The following DARS1 variants were observed in gnomAD, a reference collection of about 807,000 sequenced individuals.
DARS1 encodes the protein aspartate--tRNA ligase, cytoplasmic.
In DARS1, 51 loss-of-function variants were observed where a neutral mutation model predicts 68.8. The ratio of observed to expected loss-of-function variants is 0.74; its 90% CI spans 0.59 to 0.94. DARS1 has a LOEUF of 0.94. DARS1 is among the 40% of genes least tolerant of loss of function. The probability of loss-of-function intolerance (pLI) is 0.00; values close to 1 mark genes in which losing one functional copy is unlikely to be tolerated. For synonymous variants in DARS1, 203 were observed against 190.4 expected, an observed-to-expected ratio of 1.07 and a Z score of -0.55; for missense variants, 607 against 597.3, an observed-to-expected ratio of 1.02 and a Z score of -0.17.
intron 8 of DARS1, among the ~76,000 whole-genome samples, chr2:135,923,875 G>C (rs1396170386): frequency 6.6e-6 from 1 of 151,992 alleles, no homozygotes; most frequent in Non-Finnish European, 1.5e-5. Context: ...AAATTGGCTC[G>C]GCGTGGTGGT....
chr2:135,936,049 C>T (rs1681465893), intron 5 of DARS1, among the ~76,000 whole-genome samples: 1 of 152,208 alleles, frequency 6.6e-6, no homozygotes, highest in African/African-American at 2.4e-5. Context: ...ACTTTTATAA[C>T]TAGTGGGAAT....
Position 135,911,230 on chromosome 2 carries a change from A to G in DARS1, c.1343-20T>C. The G allele has an allele frequency of 1.5e-6, 2 of 1,294,038 alleles. No individual in the cohort carries two copies. Among genetic ancestry groups the G allele is most frequent in the Non-Finnish European group, 2.2e-6 (2 of 891,012 alleles). The allele number at this position is 1,294,038 out of a possible 1,614,324, so 80.2% of individuals were successfully genotyped here. On this transcript the variant is annotated intron_variant, in intron 14 of 15. Transcript: ENST00000264161. ...CCAAATCTGCAAAAAGACACAAAAC[A>G]AAATATAATTTATCATCTTATTTAT...
intron 3 of DARS1, among the ~76,000 whole-genome samples, chr2:135,967,837 G>T (rs541266741): frequency 6.6e-6 from 1 of 152,234 alleles, no homozygotes; most frequent in Non-Finnish European, 1.5e-5. Flanking sequence ...TACTCCTGGG[G>T]TTAAAGCACA....
rs112923773 is a variant in DARS1 at position 135,920,612 on chromosome 2, A to G, written c.812-12T>C. 3 of 1,571,044 alleles carry G rather than the reference A, an allele frequency of 1.9e-6. No homozygotes were observed. The highest frequency in any genetic ancestry group is 1.7e-6 in the Non-Finnish European group (2 of 1,164,126). ...TTCCGCTCTGAATACTGTGAAGTTA[A>G]TAAAAGAAATAGAGAGCAAACACTG... is the stretch of plus-strand genomic sequence containing the variant. On this transcript the variant is annotated splice_polypyrimidine_tract_variant and intron_variant, in intron 9 of 15. Coordinates refer to ENST00000264161, the MANE Select transcript of DARS1 (RefSeq NM_001349.4).
At chr2:135,982,984 A>C (rs1009266323) in intron 2 of DARS1, among the ~76,000 whole-genome samples, 1 of 152,196 alleles carries the variant, frequency 6.6e-6, no homozygotes, top group Non-Finnish European at 1.5e-5. Flanking sequence ...AATAGCTAAA[A>C]ACAGTCAGAG....
chr2:135,950,762 C>T (rs1200812552), intron 4 of DARS1, among the ~76,000 whole-genome samples: 1 of 152,128 alleles, frequency 6.6e-6, no homozygotes, highest in Non-Finnish European at 1.5e-5. Context: ...GTAGAATATA[C>T]ACTAGTGGGC....
At chr2:135,982,540 G>A (rs1206521422) in intron 2 of DARS1, among the ~76,000 whole-genome samples, 1 of 151,392 alleles carries the variant, frequency 6.6e-6, no homozygotes, top group Non-Finnish European at 1.5e-5. Flanking sequence ...AAGTTGAAGT[G>A]AGCCGAGATC....
At chr2:135,913,554 C>T (rs574674537) in intron 12 of DARS1, among the ~76,000 whole-genome samples, 4 of 152,048 alleles carry the variant, frequency 2.6e-5, no homozygotes, top group Middle Eastern at 3.4e-3. Context: ...GTCAGGAGTT[C>T]GAGACCAGCC....
intron 6 of DARS1, among the ~76,000 whole-genome samples, chr2:135,933,449 T>G (rs1435180448): frequency 6.6e-6 from 1 of 152,210 alleles, no homozygotes; most frequent in Non-Finnish European, 1.5e-5. Flanking sequence ...ATAAACAGAA[T>G]GTCATCCGAA....
chr2:135,926,370 A>G (rs1455786157), intron 7 of DARS1, among the ~76,000 whole-genome samples: 1 of 152,238 alleles, frequency 6.6e-6, no homozygotes, highest in Non-Finnish European at 1.5e-5. Context: ...GATCTGTCAT[A>G]TATAAGAAAA....
chr2:135,912,327 A>G (rs561762664), intron 13 of DARS1, among the ~76,000 whole-genome samples, 159 bp downstream of exon 13: 1 of 152,384 alleles, frequency 6.6e-6, no homozygotes, highest in South Asian at 2.1e-4. Context: ...ATTTTACAAT[A>G]TCATTTTGAC....
At chr2:135,914,644 C>T in intron 11 of DARS1, 133 bp from the exon 12 acceptor site, 2 of 696,144 alleles carry the variant, frequency 2.9e-6, no homozygotes, top group Non-Finnish European at 5.2e-6. Flanking sequence ...CTATTCTGCT[C>T]TTTTCTTAAA....
At chr2:135,960,064 T>C (rs567727566) in intron 4 of DARS1, among the ~76,000 whole-genome samples, 19 of 152,278 alleles carry the variant, frequency 1.2e-4, no homozygotes, top group Non-Finnish European at 2.4e-4. Flanking sequence ...TTTGACTTCA[T>C]AGGATACACA....
At chr2:135,915,789 AAT>A (rs1249842063) in intron 11 of DARS1, among the ~76,000 whole-genome samples, 1 of 152,160 alleles carries the variant, frequency 6.6e-6, no homozygotes, top group Non-Finnish European at 1.5e-5. Context: ...TACCTTCTCT[AAT>A]ACCACTAATC....
intron 3 of DARS1, among the ~76,000 whole-genome samples, chr2:135,973,635 G>A (rs958988989): frequency 6.6e-6 from 1 of 151,988 alleles, no homozygotes; most frequent in Admixed American, 6.6e-5. Flanking sequence ...TGGATAGATA[G>A]CTTGAGCTCA....
chr2:135,922,634 T>C lies in DARS1; in HGVS notation c.811+150A>G, dbSNP rs1274068631. The C allele has an allele frequency of 3.3e-6, 4 of 1,220,258 alleles. No individual in the cohort carries two copies. In the African/African-American group the frequency reaches 6.3e-5, roughly 19 times the overall value. The allele number at this position is 1,220,258 out of a possible 1,614,324, so 75.6% of individuals were successfully genotyped here. On this transcript the variant is annotated intron_variant, in intron 9 of 15. Coordinates refer to ENST00000264161, the MANE Select transcript of DARS1 (RefSeq NM_001349.4). ...AAAATGTCTACCCAAATATATTATC[T>C]CTAACTCAAAGTCTAGCATTTGTGT...
intron 4 of DARS1, among the ~76,000 whole-genome samples, chr2:135,949,839 G>A (rs897659375): frequency 1.3e-5 from 2 of 152,132 alleles, no homozygotes; most frequent in Admixed American, 6.5e-5. Flanking sequence ...AGTTGGCTCC[G>A]TATTAAATTC....
At chr2:135,951,390 T>C (rs2104825619) in intron 4 of DARS1, among the ~76,000 whole-genome samples, 1 of 152,340 alleles carries the variant, frequency 6.6e-6, no homozygotes, top group East Asian at 1.9e-4. Context: ...CCACTTAGTT[T>C]CTCAAACCAG....
At chr2:135,943,313 G>C (rs560805990) in intron 5 of DARS1, 65 bp downstream of exon 5, 1 of 1,556,920 alleles carries the variant, frequency 6.4e-7, no homozygotes, top group Non-Finnish European at 8.7e-7. Context: ...ATATAAATTT[G>C]ACATGAAAAC....
Sources: gnomAD v4.1 joint callset for allele counts (sites outside exome capture counted in the v4.1 genomes callset) on GRCh38, gnomAD v4.1.1 for gene constraint, MANE v1.5 for transcripts, NCBI Gene and HGNC (gene_info 2026-07-23, HGNC 2026-07-21) for gene names.